Variants in GRAMD1B observed in about 807,000 individuals in gnomAD.
The protein encoded by GRAMD1B is GRAM domain containing 1B.
GRAMD1B carries 37 observed loss-of-function variants against 99.7 expected under a neutral mutation model. The observed-to-expected ratio is 0.37, with a 90% CI of 0.29 to 0.49. The LOEUF (loss-of-function observed/expected upper bound fraction) is 0.49. Among genes scored for constraint, GRAMD1B ranks in the 20% least tolerant of loss-of-function variants. GRAMD1B has a pLI of 0.98. For synonymous variants in GRAMD1B, 427 were observed against 387.6 expected, an observed-to-expected ratio of 1.10 and a Z score of -1.19; for missense variants, 888 against 1,009.2, an observed-to-expected ratio of 0.88 and a Z score of 1.63.
At chr11:123,584,077 G>A (rs1280571399) in intron 3 of GRAMD1B, among the ~76,000 whole-genome samples, 1 of 151,942 alleles carries the variant, frequency 6.6e-6, no homozygotes, top group Non-Finnish European at 1.5e-5. Context: ...TGGTGCTGCC[G>A]CTGCCTGCCA....
chr11:123,475,219 G>T (rs1011151393), intron 1 of GRAMD1B, among the ~76,000 whole-genome samples: 1 of 152,150 alleles, frequency 6.6e-6, no homozygotes, highest in East Asian at 1.9e-4. Flanking sequence ...TGCCCAGCCC[G>T]CATTGCAGAG....
At chr11:123,425,438 G>T (rs574441411), upstream of GRAMD1B, among the ~76,000 whole-genome samples, 1 of 152,140 alleles carries the variant, frequency 6.6e-6, no homozygotes, top group Non-Finnish European at 1.5e-5. Flanking sequence ...CTGTGCCTTG[G>T]TATCCTTGGT....
intron 2 of GRAMD1B, among the ~76,000 whole-genome samples, chr11:123,482,481 C>T (rs988546390): frequency 1.8e-4 from 27 of 151,918 alleles, no homozygotes; most frequent in Admixed American, 1.1e-3. Context: ...GTAGAATTGC[C>T]GCAGGGAGCC....
At chr11:123,379,371 G>T (rs1946796448) in intron 1 of GRAMD1B, among the ~76,000 whole-genome samples, 1 of 152,032 alleles carries the variant, frequency 6.6e-6, no homozygotes, top group Non-Finnish European at 1.5e-5. Context: ...GCAAGCTCAG[G>T]CTGTGAAGAG....
At chr11:123,579,394 A>G (rs956689071) in intron 3 of GRAMD1B, among the ~76,000 whole-genome samples, 1 of 152,210 alleles carries the variant, frequency 6.6e-6, no homozygotes, top group African/African-American at 2.4e-5. Context: ...CTAATCCTGT[A>G]GTCTGTGATC....
rs143005061 is a variant in GRAMD1B, at chr11:123,463,302, C to T, written c.375-17514C>T. ...TGCTGGGATTACAGGCATGAGCCACCGTGCCCAGCCTATTTTCTTCATCTT... is the reference window on the plus strand; with the variant it reads ...TGCTGGGATTACAGGCATGAGCCACTGTGCCCAGCCTATTTTCTTCATCTT... On this transcript the variant is annotated intron_variant, in intron 1 of 19. Coordinates refer to ENST00000635736, the MANE Select transcript of GRAMD1B (RefSeq NM_001387025.1). 1.3e-3 allele frequency among the ~76,000 whole-genome samples: 201 copies of T among 152,316 alleles called. 1 individual carries two copies. Among genetic ancestry groups the T allele is most frequent in the Non-Finnish European group, 6.0e-4 (41 of 68,040 alleles).
chr11:123,513,578 T>TTCCTTCCTTCCTTCC (rs1555050112), intron 2 of GRAMD1B, among the ~76,000 whole-genome samples: 4 of 41,692 alleles, frequency 9.6e-5, no homozygotes, highest in African/African-American at 3.7e-4. Flanking sequence ...CCTTCCTTCC[T>TTCCTTCCTTCCTTCC]TTCCTTCCTT....
chr11:123,498,176 C>T (rs1421614309), intron 2 of GRAMD1B, among the ~76,000 whole-genome samples: 3 of 152,192 alleles, frequency 2.0e-5, no homozygotes, highest in Non-Finnish European at 4.4e-5. Flanking sequence ...ATGCTGACCA[C>T]GAGCCTTGAA....
chr11:123,572,845 C>G (rs1044717492), intron 2 of GRAMD1B, among the ~76,000 whole-genome samples: 1 of 147,924 alleles, frequency 6.8e-6, no homozygotes, highest in Non-Finnish European at 1.5e-5. Flanking sequence ...AGGTAGGCCC[C>G]GATGGCTGGG....
chr11:123,602,473 A>G (rs73029848), intron 8 of GRAMD1B, among the ~76,000 whole-genome samples: 7,586 of 152,124 alleles, frequency 0.05, 232 homozygotes, highest in African/African-American at 0.084. Flanking sequence ...CTGCACCCAA[A>G]TTCTTTAGGA....
At chr11:123,597,154 G>A in intron 7 of GRAMD1B, among the ~76,000 whole-genome samples, 1 of 150,130 alleles carries the variant, frequency 6.7e-6, no homozygotes, top group East Asian at 1.9e-4. Context: ...TTTGAGATGG[G>A]GCCTCACTAT....
At chr11:123,504,443 C>T (rs956838454) in intron 2 of GRAMD1B, among the ~76,000 whole-genome samples, 2 of 152,194 alleles carry the variant, frequency 1.3e-5, no homozygotes, top group Non-Finnish European at 2.9e-5. Flanking sequence ...CAATTCTCAC[C>T]ACCTGTGTTC....
chr11:123,581,762 C>A (rs1164558973), intron 3 of GRAMD1B, among the ~76,000 whole-genome samples: 3 of 152,236 alleles, frequency 2.0e-5, no homozygotes, highest in Non-Finnish European at 4.4e-5. Context: ...GATATAAGAG[C>A]ATCACAGATC....
intron 8 of GRAMD1B, among the ~76,000 whole-genome samples, chr11:123,601,536 TG>T (rs1361079247): frequency 5.1e-4 from 78 of 152,100 alleles, no homozygotes; most frequent in Non-Finnish European, 9.4e-4. Context: ...TGTGTGTGTG[TG>T]TGTGTGTGTA....
chr11:123,588,508 C>T (rs1165810008), intron 4 of GRAMD1B, among the ~76,000 whole-genome samples: 1 of 152,206 alleles, frequency 6.6e-6, no homozygotes, highest in African/African-American at 2.4e-5. Flanking sequence ...TGGGTAGTTA[C>T]TGTAAGGATC....
chr11:123,418,457 T>C (rs1195176474), intron 1 of GRAMD1B, among the ~76,000 whole-genome samples: 2 of 152,204 alleles, frequency 1.3e-5, no homozygotes, highest in East Asian at 1.9e-4. Context: ...AGCTGTTTTT[T>C]CCAAGTACAT....
At chr11:123,402,292 C>T (rs1947693827) in intron 1 of GRAMD1B, among the ~76,000 whole-genome samples, 1 of 152,188 alleles carries the variant, frequency 6.6e-6, no homozygotes, top group South Asian at 2.1e-4. Flanking sequence ...GCTGGGATTA[C>T]AGGTACGAGC....
intron 1 of GRAMD1B, among the ~76,000 whole-genome samples, chr11:123,364,843 A>G (rs768035948): frequency 1.2e-5 from 1 of 80,952 alleles, no homozygotes; most frequent in Non-Finnish European, 2.3e-5. Context: ...CCAGTTTTTC[A>G]AAAAAAAAAT....
intron 19 of GRAMD1B, among the ~76,000 whole-genome samples, chr11:123,622,000 T>TC (rs1470132134): frequency 1.3e-5 from 1 of 76,918 alleles, no homozygotes; most frequent in African/African-American, 4.5e-5. Flanking sequence ...TCTTTCTCTC[T>TC]CCCTCTCCCT....
Sources: allele counts gnomAD v4.1 joint callset (sites outside exome capture counted in the v4.1 genomes callset), GRCh38; gene constraint gnomAD v4.1.1; transcripts MANE v1.5; gene names NCBI Gene and HGNC (gene_info 2026-07-23, HGNC 2026-07-21).